ATP2B2: variants seen among roughly 807,000 people sequenced by gnomAD.
The protein encoded by ATP2B2 is plasma membrane calcium-transporting ATPase 2.
Under a neutral mutation model 120.0 loss-of-function variants are expected in ATP2B2, and 15 were observed. The observed-to-expected ratio is 0.12, with a 90% CI of 0.08 to 0.19. The LOEUF is 0.19. Among genes scored for constraint, ATP2B2 ranks in the 10% least tolerant of loss-of-function variants. ATP2B2 has a pLI of 1.00. For synonymous variants in ATP2B2, 694 were observed against 700.3 expected, an observed-to-expected ratio of 0.99 and a Z score of 0.14; for missense variants, 1,045 against 1,719.8, an observed-to-expected ratio of 0.61 and a Z score of 6.94.
rs561460741 is a variant in ATP2B2 at position 10,636,285 on chromosome 3, G to A, written c.-459-16324C>T. 3.9e-5 allele frequency among the ~76,000 whole-genome samples: 6 copies of A among 152,262 alleles called. No individual in the cohort carries two copies. In the South Asian group the frequency reaches 1.2e-3, roughly 32 times the overall value. ...GACAGAAATGCAAGGTGACAGTAGG[G>A]CAGGCTGTGTCATTTCCCAGGAGAT... is the stretch of plus-strand genomic sequence containing the variant. On this transcript the variant is annotated intron_variant, in intron 1 of 21. Coordinates refer to the ATP2B2 transcript ENST00000646379.
chr3:10,414,837 C>T lies in ATP2B2; in HGVS notation c.200-4022G>A, dbSNP rs151224572. On this transcript the variant is annotated intron_variant, in intron 2 of 22. Coordinates refer to ENST00000360273, the MANE Select transcript of ATP2B2 (RefSeq NM_001001331.4). ...CCCTTGCCCACTCCCCACAGACTTC[C>T]GAGAGGCCCTCTGTTCTTCAGAAAT... 3.7e-4 allele frequency among the ~76,000 whole-genome samples: 57 copies of T among 152,246 alleles called. 1 individual carries two copies. The highest frequency in any genetic ancestry group is 1.2e-3 in the African/African-American group (50 of 41,542).
intron 22 of ATP2B2, among the ~76,000 whole-genome samples, chr3:10,331,292 C>T (rs1320816412): frequency 6.6e-6 from 1 of 152,198 alleles, no homozygotes; most frequent in Non-Finnish European, 1.5e-5. Context: ...TAACTGAAAA[C>T]AAAGAAGGCG....
intron 2 of ATP2B2, among the ~76,000 whole-genome samples, chr3:10,534,669 G>A (rs2067273999): frequency 1.3e-5 from 2 of 152,058 alleles, no homozygotes; most frequent in Non-Finnish European, 2.9e-5. Flanking sequence ...TACTTTCTTG[G>A]GCAAGTGACT....
chr3:10,542,062 T>C (rs564187777), intron 2 of ATP2B2, among the ~76,000 whole-genome samples: 21 of 152,338 alleles, frequency 1.4e-4, no homozygotes, highest in African/African-American at 4.8e-4. Flanking sequence ...GATATTTATA[T>C]AGCCACTCCC....
At chr3:10,471,692 T>C (rs563298829) in intron 1 of ATP2B2, among the ~76,000 whole-genome samples, 60 of 152,242 alleles carry the variant, frequency 3.9e-4, no homozygotes, top group African/African-American at 1.3e-3. Flanking sequence ...TGTTAATTAG[T>C]GTGATTTGAT....
chr3:10,353,645 T>C (rs1420450616), intron 14 of ATP2B2, among the ~76,000 whole-genome samples: 2 of 152,208 alleles, frequency 1.3e-5, no homozygotes, highest in Non-Finnish European at 2.9e-5. Flanking sequence ...AATGAGGTGA[T>C]TGGTGCTGCG....
chr3:10,486,600 G>A (rs898552995), intron 1 of ATP2B2, among the ~76,000 whole-genome samples: 5 of 152,100 alleles, frequency 3.3e-5, no homozygotes, highest in African/African-American at 1.2e-4. Context: ...CCAGATGGTG[G>A]CATCTTGAAC....
intron 2 of ATP2B2, among the ~76,000 whole-genome samples, chr3:10,599,985 G>A (rs2068862845): frequency 6.6e-6 from 1 of 152,184 alleles, no homozygotes; most frequent in Non-Finnish European, 1.5e-5. Flanking sequence ...CTTGTGCTAG[G>A]CTTTCCCACA....
chr3:10,513,517 G>A (rs1338138657), intron 3 of ATP2B2, among the ~76,000 whole-genome samples: 2 of 152,160 alleles, frequency 1.3e-5, no homozygotes, highest in African/African-American at 4.8e-5. Flanking sequence ...AGCCCTCGGT[G>A]AGGGCCCTGC....
chr3:10,502,767 G>A (rs531089240), intron 1 of ATP2B2, among the ~76,000 whole-genome samples: 17 of 152,308 alleles, frequency 1.1e-4, no homozygotes, highest in Non-Finnish European at 1.8e-4. Flanking sequence ...ACTCTTTCTC[G>A]GAATCTTGCC....
chr3:10,653,904 C>G lies in ATP2B2; in HGVS notation c.-459-33943G>C, dbSNP rs1219904034. 2.6e-5 allele frequency among the ~76,000 whole-genome samples: 4 copies of G among 152,148 alleles called. No homozygotes were observed. The East Asian group carries it at 7.7e-4, about 29-fold the overall frequency. ...CCCTTCCTCTCCTTTCTCTACTCAA[C>G]ACATTTTTTCTCATCCTGTCCCTCC... is the stretch of plus-strand genomic sequence containing the variant. On this transcript the variant is annotated intron_variant, in intron 1 of 21. Transcript: ENST00000646379.
At chr3:10,516,770 C>G (rs74595702) in intron 3 of ATP2B2, among the ~76,000 whole-genome samples, 4,524 of 152,308 alleles carry the variant, frequency 0.03, 139 homozygotes, top group East Asian at 0.14. Context: ...GGTGCCGTGC[C>G]CACAGCCTTC....
intron 5 of ATP2B2, among the ~76,000 whole-genome samples, chr3:10,395,563 G>A (rs138476967): frequency 3.7e-4 from 56 of 152,358 alleles, no homozygotes; most frequent in African/African-American, 1.1e-3. Context: ...AGCAACAGCC[G>A]AATCAGAGTG....
intron 5 of ATP2B2, among the ~76,000 whole-genome samples, chr3:10,395,435 A>G (rs535902515): frequency 1.1e-4 from 16 of 152,324 alleles, no homozygotes; most frequent in African/African-American, 3.6e-4. Context: ...GTGGTTATGC[A>G]TGAGAATACC....
intron 2 of ATP2B2, among the ~76,000 whole-genome samples, chr3:10,557,801 C>T (rs1251033082): frequency 6.6e-6 from 1 of 152,298 alleles, no homozygotes; most frequent in East Asian, 1.9e-4. Context: ...TGTGAGCCTG[C>T]AGTCCATGCT....
At chr3:10,400,549 C>T (rs981673920) in intron 5 of ATP2B2, among the ~76,000 whole-genome samples, 1 of 145,778 alleles carries the variant, frequency 6.9e-6, no homozygotes, top group African/African-American at 2.5e-5. Flanking sequence ...TTCCCTGCCT[C>T]ACTCACTGCT....
At chr3:10,396,218 G>A (rs1043655232) in intron 5 of ATP2B2, among the ~76,000 whole-genome samples, 3 of 152,218 alleles carry the variant, frequency 2.0e-5, no homozygotes, top group Admixed American at 6.5e-5. Context: ...CCTCACAACC[G>A]CAGGGTTTGT....
intron 2 of ATP2B2, among the ~76,000 whole-genome samples, chr3:10,562,116 G>A (rs2067915985): frequency 6.6e-6 from 1 of 152,184 alleles, no homozygotes; most frequent in African/African-American, 2.4e-5. Context: ...GCTAGTATAT[G>A]AACAGTTGTG....
chr3:10,629,743 C>A (rs1377123492), intron 1 of ATP2B2, among the ~76,000 whole-genome samples: 1 of 152,230 alleles, frequency 6.6e-6, no homozygotes, highest in East Asian at 1.9e-4. Context: ...ACCAAATCTC[C>A]GCAAGCCCTC....
Sources: gnomAD v4.1 joint callset for allele counts (sites outside exome capture counted in the v4.1 genomes callset) on GRCh38, gnomAD v4.1.1 for gene constraint, MANE v1.5 for transcripts, NCBI Gene and HGNC (gene_info 2026-07-23, HGNC 2026-07-21) for gene names.